Variants in CENPF observed in about 807,000 individuals in gnomAD.
CENPF encodes centromere protein F.
In CENPF, 214 loss-of-function variants were observed where a neutral mutation model predicts 307.3. That is an observed-to-expected ratio of 0.70 (90% CI 0.62 to 0.78). The LOEUF (loss-of-function observed/expected upper bound fraction) is 0.78. Ranked by LOEUF, CENPF falls within the 30% of genes least tolerant of loss-of-function variation. CENPF has a pLI of 0.00. For synonymous variants in CENPF, 1,259 were observed against 1,270.6 expected (o/e 0.99, Z 0.19); for missense variants, 3,401 against 3,483.9 (o/e 0.98, Z 0.60).
At position 214,647,091 on chromosome 1, in the gene CENPF, T is replaced by C. The variant is rs1243337917; in HGVS notation, c.7521T>C (p.Ile2507=). 6.2e-7 allele frequency: 1 copy of C among 1,614,020 alleles called. No individual in the cohort carries two copies. The highest frequency in any genetic ancestry group is 1.1e-5 in the South Asian group (1 of 91,074). ...TGCAATCTTCAGTGAATGGCCTCAT[T>C]CAAGAAGTAGAAGATGGCAAGCAGA... ...IVLQSSVNGL[I]QEVEDGKQKL... The change falls in exon 13 of 20, where the codon ATT becomes ATC. Residue 2507 remains isoleucine (I), a synonymous_variant. Transcript: ENST00000366955.
Position 214,647,126 on chromosome 1 carries a change from A to T in CENPF, c.7556A>T (p.Lys2519Met). 6.2e-7 allele frequency: 1 copy of T among 1,614,046 alleles called. No homozygotes were observed. The highest frequency in any genetic ancestry group is 8.5e-7 in the Non-Finnish European group (1 of 1,179,976). Residue 2519 changes from lysine (K) to methionine (M), a missense_variant, in exon 13 of 20, where the codon AAG becomes ATG. Transcript: ENST00000366955. ...EVEDGKQKLE[K>M]KDEEISRLKN... ...GAAGATGGCAAGCAGAAACTGGAGA[A>T]GAAGGATGAAGAAATCAGTAGACTG... is the stretch of plus-strand genomic sequence containing the variant.
chr1:214,614,767 T>C, intron 2 of CENPF, 65 bp from the exon 3 acceptor site: 2 of 1,138,750 alleles, frequency 1.8e-6, no homozygotes, highest in Non-Finnish European at 1.2e-6. Flanking sequence ...GACTCAGGTT[T>C]ACCAATAATA....
chr1:214,607,018 A>T (rs528750559), intron 1 of CENPF, among the ~76,000 whole-genome samples: 2 of 152,264 alleles, frequency 1.3e-5, no homozygotes, highest in East Asian at 1.9e-4. Context: ...CCTGGCCTGG[A>T]ATCCCAGCCT....
Position 214,620,643 on chromosome 1 carries a change from C to A in CENPF, c.574-12C>A. 6.2e-7 allele frequency: 1 copy of A among 1,600,314 alleles called. No individual in the cohort carries two copies. Among genetic ancestry groups the A allele is most frequent in the Non-Finnish European group, 8.5e-7 (1 of 1,175,566 alleles). ...ATCTTTAAAGGCCTCTAAAGAGATT[C>A]TGTTTCTACAGAAAGCAAGCCAGAC... On this transcript the variant is annotated splice_polypyrimidine_tract_variant and intron_variant, in intron 5 of 19. Transcript: ENST00000366955.
chr1:214,658,755 T>G, intron 18 of CENPF, 95 bp from the exon 19 acceptor site: 1 of 1,255,632 alleles, frequency 8.0e-7, no homozygotes, highest in Non-Finnish European at 1.1e-6. Context: ...TTTTGGAGTT[T>G]GCATTATCCT....
In CENPF at chr1:214,603,275, C is replaced by T. The variant is rs1307230087; in HGVS notation, c.-88C>T. On this transcript the variant is annotated 5_prime_UTR_variant, in exon 1 of 20. Transcript: ENST00000366955. ...GGGCTCCAGCCCGCCGAAGCCGCGC[C>T]AGAACTGTACTCTCCGAGAGGTCGT... 1 of 152,308 alleles carries T rather than the reference C, an allele frequency of 6.6e-6. No individual in the cohort carries two copies. The highest frequency in any genetic ancestry group is 1.5e-5 in the Non-Finnish European group (1 of 68,134). The allele number at this position is 152,308 out of a possible 1,614,324, so 9.4% of individuals were successfully genotyped here.
chr1:214,641,588 G>A lies in CENPF; in HGVS notation c.3250G>A (p.Glu1084Lys). The A allele has an allele frequency of 6.5e-7, 1 of 1,544,074 alleles. No individual in the cohort carries two copies. Among genetic ancestry groups the A allele is most frequent in the Non-Finnish European group, 8.7e-7 (1 of 1,151,588 alleles). Residue 1084 changes from glutamate to lysine, a missense_variant, in exon 12 of 20, where the codon GAA becomes AAA. By Grantham distance (56) the Glu-to-Lys change is moderately conservative. Coordinates refer to ENST00000366955, the MANE Select transcript of CENPF (RefSeq NM_016343.4). Reference sequence around the variant, plus strand: ...GGAAGCATTTGCAAAGGAACACCAAGAATTCTTAACAAAATTAGCATTTGC... The same window carrying A: ...GGAAGCATTTGCAAAGGAACACCAAAAATTCTTAACAAAATTAGCATTTGC... ...LKEAFAKEHQ[E>K]FLTKLAFAEE...
At chr1:214,625,669 G>A (rs1343747143) in intron 7 of CENPF, among the ~76,000 whole-genome samples, 1 of 150,682 alleles carries the variant, frequency 6.6e-6, no homozygotes. Flanking sequence ...CTGCCTTTGC[G>A]GGTTGTTTGA....
chr1:214,605,722 C>T (rs1028204043), intron 1 of CENPF: 120 of 1,593,728 alleles, frequency 7.5e-5, no homozygotes, highest in Non-Finnish European at 9.8e-5. Context: ...GACGCAGGCC[C>T]TCCAGGTACT....
At chr1:214,648,105 T>C in intron 13 of CENPF, 1 of 364,046 alleles carries the variant, frequency 2.7e-6, no homozygotes. Context: ...TATTAAAGAA[T>C]AAAAGGACTA....
At chr1:214,648,114 T>C (rs1658363321) in intron 13 of CENPF, 2 of 351,822 alleles carry the variant, frequency 5.7e-6, no homozygotes, top group Admixed American at 6.9e-5. Context: ...ATAAAAGGAC[T>C]ATCCACAAAA....
intron 18 of CENPF, among the ~76,000 whole-genome samples, chr1:214,657,616 G>T (rs1658675843): frequency 6.6e-6 from 1 of 152,118 alleles, no homozygotes; most frequent in Non-Finnish European, 1.5e-5. Flanking sequence ...CAAAAGAGCT[G>T]GTAGATTGGA....
chr1:214,618,568 A>G lies in CENPF; in HGVS notation c.360-5A>G. 1 of 1,613,138 alleles carries G rather than the reference A, an allele frequency of 6.2e-7. No homozygotes were observed. ...TTGTCTGCCTCTTGGGTCCTTTTCT[A>G]ACAGGTGTAAATCTGAGCTTGAAAG... On this transcript the variant is annotated splice_region_variant and splice_polypyrimidine_tract_variant and intron_variant, in intron 3 of 19. Transcript: ENST00000366955.
chr1:214,661,737 G>A (rs1017848601), intron 19 of CENPF, among the ~76,000 whole-genome samples: 1 of 152,172 alleles, frequency 6.6e-6, no homozygotes, highest in Non-Finnish European at 1.5e-5. Context: ...GCCCATCGTG[G>A]ATGGTGGTGT....
At chr1:214,653,098 G>A in intron 16 of CENPF, 109 bp downstream of exon 16, 1 of 1,119,072 alleles carries the variant, frequency 8.9e-7, no homozygotes, top group South Asian at 1.3e-5. Context: ...AAAATTTTTG[G>A]TAGTCAAAAA....
Position 214,640,432 on chromosome 1 carries a change from A to G in CENPF, c.2094A>G (p.Leu698=). The G allele has an allele frequency of 5.0e-6, 8 of 1,614,066 alleles. No homozygotes were observed. Among genetic ancestry groups the G allele is most frequent in the Non-Finnish European group, 6.8e-6 (8 of 1,179,992 alleles). Residue 698 remains leucine, a synonymous_variant, in exon 12 of 20, where the codon CTA becomes CTG. Coordinates refer to ENST00000366955, the MANE Select transcript of CENPF (RefSeq NM_016343.4). The part of the protein sequence containing the change: ...SKSVEVETQK[L]AYMELQQKAE... ...CAGTGGAGGTAGAGACCCAGAAACT[A>G]GCTTATATGGAGCTACAGCAGAAAG...
At chr1:214,623,174 GC>G (rs1435234205) in intron 7 of CENPF, among the ~76,000 whole-genome samples, 1 of 152,208 alleles carries the variant, frequency 6.6e-6, no homozygotes, top group Non-Finnish European at 1.5e-5. Context: ...TTGTGCCACT[GC>G]ACTCCAGCTT....
chr1:214,612,970 A>G, intron 1 of CENPF: 1 of 286,548 alleles, frequency 3.5e-6, no homozygotes, highest in South Asian at 4.7e-5. Flanking sequence ...AACTGCTGTA[A>G]CCCTGTCCTT....
intron 13 of CENPF, 21 bp from the exon 14 acceptor site, chr1:214,648,654 T>G: frequency 6.2e-7 from 1 of 1,610,846 alleles, no homozygotes; most frequent in South Asian, 1.1e-5. Flanking sequence ...AAGCAGATTC[T>G]AATGAAAGAT....
Sources: gnomAD v4.1 joint callset for allele counts (sites outside exome capture counted in the v4.1 genomes callset) on GRCh38, gnomAD v4.1.1 for gene constraint, MANE v1.5 for transcripts, NCBI Gene and HGNC (gene_info 2026-07-23, HGNC 2026-07-21) for gene names.